Variants in GSS observed in about 807,000 individuals in gnomAD.
GSS encodes the protein GSH synthetase.
In GSS, 34 loss-of-function variants were observed where a neutral mutation model predicts 60.4. That is an observed-to-expected ratio of 0.56 (90% CI 0.43 to 0.75). The LOEUF (loss-of-function observed/expected upper bound fraction) is 0.75, where lower values mean the gene tolerates loss of function less well. Ranked by LOEUF, GSS falls within the 30% of genes least tolerant of loss-of-function variation. The probability of loss-of-function intolerance (pLI) is 0.00; values close to 1 mark genes in which losing one functional copy is unlikely to be tolerated. For synonymous variants in GSS, 224 were observed against 239.0 expected, an observed-to-expected ratio of 0.94 and a Z score of 0.58; for missense variants, 499 against 595.1, an observed-to-expected ratio of 0.84 and a Z score of 1.68.
At chr20:34,934,246 TTTC>T (rs2081423622) in intron 9 of GSS, 1 of 151,982 alleles carries the variant, frequency 6.6e-6, no homozygotes, top group Admixed American at 6.5e-5. Flanking sequence ...TCTTCTAAGT[TTTC>T]TTTGTCGTGT....
At chr20:34,931,692 C>A in intron 10 of GSS, 1 of 621,328 alleles carries the variant, frequency 1.6e-6, no homozygotes, top group Non-Finnish European at 2.9e-6. Flanking sequence ...GCCTTAGTCC[C>A]TTCCCTCTGG....
At chr20:34,942,672 C>T (rs1569014382) in intron 4 of GSS, 45 bp from the exon 5 acceptor site, 1 of 1,597,200 alleles carries the variant, frequency 6.3e-7, no homozygotes, top group Non-Finnish European at 8.6e-7. Context: ...CAGGGACTGA[C>T]TCTGAGGACC....
At chr20:34,932,250 C>T (rs1340849788) in intron 9 of GSS, 117 bp from the exon 10 acceptor site, 1 of 821,872 alleles carries the variant, frequency 1.2e-6, no homozygotes, top group East Asian at 2.6e-5. Flanking sequence ...CTCATTATCA[C>T]CCAGGATCAT....
chr20:34,942,717 AC>A, intron 4 of GSS, 90 bp from the exon 5 acceptor site: 2 of 1,303,060 alleles, frequency 1.5e-6, no homozygotes, highest in Non-Finnish European at 1.1e-6. Flanking sequence ...TGAACTCTAC[AC>A]AGAGATTAGA....
At chr20:34,939,031 G>A (rs878896548) in intron 6 of GSS, among the ~76,000 whole-genome samples, 19 of 152,142 alleles carry the variant, frequency 1.2e-4, no homozygotes, top group South Asian at 1.2e-3. Context: ...GCCTGAGGTC[G>A]GGAGTTTGAG....
In GSS at chr20:34,928,707, A is replaced by C; in HGVS notation, c.*121T>G. ...GGTCCTCAGATGGAAAGCTGGGGGA[A>C]GGTACCAGTATTTACCCTTCCATAA... is the stretch of plus-strand genomic sequence containing the variant. On this transcript the variant is annotated 3_prime_UTR_variant, in exon 13 of 13. Transcript: ENST00000651619. 35 of 1,049,184 alleles carry C rather than the reference A, an allele frequency of 3.3e-5. No homozygotes were observed. The highest frequency in any genetic ancestry group is 4.5e-5 in the Non-Finnish European group (31 of 688,384). 65.0% of individuals were successfully genotyped at this position (1,049,184 alleles called of 1,614,324 possible).
At chr20:34,938,373 G>A (rs958104630) in intron 6 of GSS, among the ~76,000 whole-genome samples, 1 of 152,166 alleles carries the variant, frequency 6.6e-6, no homozygotes. Flanking sequence ...CCAAAATATA[G>A]GTCTTAGTAA....
At position 34,932,001 on chromosome 20, in the gene GSS, C is replaced by G. The variant is rs151095434; in HGVS notation, c.967G>C (p.Gly323Arg). Residue 323 changes from glycine (G) to arginine (R), a missense_variant, in exon 10 of 13, where the codon GGC becomes CGC. Gly to Arg is a moderately radical substitution (Grantham distance 125, BLOSUM62 -2). Transcript: ENST00000651619. ...RPGMLEMLLP[G>R]QPEAVARLRA... Reference sequence around the variant, plus strand: ...AGGCGGGCCACAGCCTCAGGCTGGCCAGGGAGCAACATCTCCAGCATGCCC... The same window carrying G: ...AGGCGGGCCACAGCCTCAGGCTGGCGAGGGAGCAACATCTCCAGCATGCCC... 2 of 1,614,202 alleles carry G rather than the reference C, an allele frequency of 1.2e-6. No homozygotes were observed. The highest frequency in any genetic ancestry group is 1.7e-6 in the Non-Finnish European group (2 of 1,180,038).
At position 34,929,493 on chromosome 20, in the gene GSS, A is replaced by G. The variant is rs1404662530; in HGVS notation, c.1209T>C (p.Pro403=). 1 of 1,614,080 alleles carries G rather than the reference A, an allele frequency of 6.2e-7. No homozygotes were observed. The highest frequency in any genetic ancestry group is 8.5e-7 in the Non-Finnish European group (1 of 1,179,902). Residue 403 remains proline, a synonymous_variant, in exon 12 of 13, where the codon CCT becomes CCC. Coordinates refer to ENST00000651619, the MANE Select transcript of GSS (RefSeq NM_000178.4). ...ASYILMEKIE[P]EPFENCLLRP... is the part of the protein sequence containing the mutation. ...GTAGCAGGCAATTCTCAAAAGGCTC[A>G]GGTTCGATCTTCTCCATGAGGATGT...
intron 3 of GSS, among the ~76,000 whole-genome samples, chr20:34,945,348 T>C (rs1248896639): frequency 8.0e-6 from 1 of 125,414 alleles, no homozygotes; most frequent in Non-Finnish European, 1.7e-5. Flanking sequence ...CTAAAATAAA[T>C]AAAGAAATTT....
intron 6 of GSS, among the ~76,000 whole-genome samples, chr20:34,941,150 T>C (rs1242721395): frequency 1.3e-5 from 2 of 151,408 alleles, no homozygotes; most frequent in African/African-American, 2.4e-5. Flanking sequence ...AGGTCAGGAG[T>C]TCGAGACCAG....
At chr20:34,943,061 G>C in intron 3 of GSS, 55 bp from the exon 4 acceptor site, 1 of 1,189,718 alleles carries the variant, frequency 8.4e-7, no homozygotes, top group Non-Finnish European at 1.2e-6. Flanking sequence ...AAAATTTCAA[G>C]GAGTCCCATC....
chr20:34,946,087 A>G lies in GSS; in HGVS notation c.141T>C (p.Tyr47=), dbSNP rs760646353. 3.1e-6 allele frequency: 5 copies of G among 1,611,640 alleles called. No homozygotes were observed. In the African/African-American group the frequency reaches 6.7e-5, roughly 22 times the overall value. The change falls in exon 3 of 13, where the codon TAT becomes TAC. Residue 47 remains tyrosine, a synonymous_variant. Transcript: ENST00000651619. The part of the protein sequence containing the change: ...QEPTSSEVVS[Y]APFTLFPSLV... Reference sequence around the variant, plus strand: ...GTGAGGGGAAGAGCGTGAATGGGGCATAGCTCACCACCTGTGATCAAGAAG... The same window carrying G: ...GTGAGGGGAAGAGCGTGAATGGGGCGTAGCTCACCACCTGTGATCAAGAAG...
In GSS at chr20:34,952,247, T is replaced by C. The variant is rs1440143511; in HGVS notation, c.-8-387A>G. On this transcript the variant is annotated intron_variant, in intron 1 of 12. Transcript: ENST00000651619. ...TGGAGAAAGAAGCACTAATATCAGA[T>C]GTGACTGGGGCAAGTTCCTTCCCTT... The C allele has an allele frequency of 5.4e-5, 17 of 315,224 alleles. No individual in the cohort carries two copies. The Admixed American group carries it at 7.2e-4, about 13-fold the overall frequency. The allele number at this position is 315,224 out of a possible 1,614,324, so 19.5% of individuals were successfully genotyped here.
At chr20:34,950,328 G>C (rs768692283) in intron 2 of GSS, among the ~76,000 whole-genome samples, 9 of 152,112 alleles carry the variant, frequency 5.9e-5, no homozygotes, top group Non-Finnish European at 1.0e-4. Flanking sequence ...CAATTACTGA[G>C]TGTGGACTCC....
intron 1 of GSS, among the ~76,000 whole-genome samples, chr20:34,953,759 G>C (rs368240409): frequency 1.3e-5 from 2 of 152,006 alleles, no homozygotes; most frequent in South Asian, 4.2e-4. Flanking sequence ...GGGACTACAG[G>C]CACCTGCCAC....
At chr20:34,945,896 C>A in intron 3 of GSS, 57 bp downstream of exon 3, 8 of 1,580,022 alleles carry the variant, frequency 5.1e-6, no homozygotes, top group Non-Finnish European at 6.1e-6. Flanking sequence ...GCTCTGCAAT[C>A]TTCCAGTTCC....
At chr20:34,951,370 A>G in intron 2 of GSS, 1 of 284,398 alleles carries the variant, frequency 3.5e-6, no homozygotes, top group Non-Finnish European at 6.8e-6. Flanking sequence ...AGGTAGAGTG[A>G]TTATGGGGTT....
At chr20:34,933,135 A>G (rs978643094) in intron 9 of GSS, among the ~76,000 whole-genome samples, 4 of 152,148 alleles carry the variant, frequency 2.6e-5, no homozygotes, top group Non-Finnish European at 5.9e-5. Flanking sequence ...TACGAGCCAC[A>G]GTAAATGGCC....
Sources: gnomAD v4.1 joint callset for allele counts (sites outside exome capture counted in the v4.1 genomes callset) on GRCh38, gnomAD v4.1.1 for gene constraint, MANE v1.5 for transcripts, NCBI Gene and HGNC (gene_info 2026-07-23, HGNC 2026-07-21) for gene names.